FSTL4: variants seen among roughly 807,000 people sequenced by gnomAD.
FSTL4 encodes follistatin like 4.
In FSTL4, 28 loss-of-function variants were observed where a neutral mutation model predicts 78.2. That is an observed-to-expected ratio of 0.36 (90% CI 0.27 to 0.49). FSTL4 has a LOEUF of 0.49. FSTL4 is among the 20% of genes least tolerant of loss of function. FSTL4 has a pLI of 0.98. For synonymous variants in FSTL4, 422 were observed against 440.5 expected (o/e 0.96, Z 0.53); for missense variants, 922 against 1,084.9 (o/e 0.85, Z 2.11).
intron 3 of FSTL4, among the ~76,000 whole-genome samples, chr5:133,557,492 A>C (rs986420124): frequency 6.6e-6 from 1 of 152,228 alleles, no homozygotes; most frequent in Non-Finnish European, 1.5e-5. Context: ...TCACTTCATG[A>C]TATCCTGACC....
chr5:133,786,758 TAAC>T, the FSTL4 span, among the ~76,000 whole-genome samples: 2 of 152,090 alleles, frequency 1.3e-5, no homozygotes, highest in Non-Finnish European at 2.9e-5. Flanking sequence ...GTGGCAAAGA[TAAC>T]AACAACAACA....
chr5:133,396,945 G>C (rs149119448), intron 4 of FSTL4, among the ~76,000 whole-genome samples: 1 of 152,134 alleles, frequency 6.6e-6, no homozygotes, highest in Non-Finnish European at 1.5e-5. Context: ...ACCTGCAACC[G>C]CCCGCAGGCT....
At chr5:133,507,563 G>T (rs1332447358) in intron 3 of FSTL4, among the ~76,000 whole-genome samples, 4 of 145,008 alleles carry the variant, frequency 2.8e-5, no homozygotes, top group East Asian at 2.0e-4. Flanking sequence ...TCGCTCTGTC[G>T]CCAGGCTGGA....
At chr5:133,606,521 C>G (rs990150460) in intron 1 of FSTL4, among the ~76,000 whole-genome samples, 27 of 152,226 alleles carry the variant, frequency 1.8e-4, no homozygotes, top group Admixed American at 1.6e-3. Flanking sequence ...CTGCAGAAAA[C>G]AGCGAGTGGA....
intron 3 of FSTL4, among the ~76,000 whole-genome samples, chr5:133,449,419 A>C (rs1435882294): frequency 6.6e-5 from 10 of 152,200 alleles, no homozygotes; most frequent in Admixed American, 2.6e-4. Flanking sequence ...TGTCAGCTGA[A>C]AGCTAGCAAG....
intron 6 of FSTL4, among the ~76,000 whole-genome samples, chr5:133,303,411 C>G (rs1005516348): frequency 6.6e-6 from 1 of 152,228 alleles, no homozygotes; most frequent in Admixed American, 6.5e-5. Context: ...AGTAGTAGCT[C>G]AGGTGTCCAA....
chr5:133,475,069 G>C (rs548622801), intron 3 of FSTL4, among the ~76,000 whole-genome samples: 1 of 152,232 alleles, frequency 6.6e-6, no homozygotes, highest in South Asian at 2.1e-4. Flanking sequence ...CTCGTGTGCA[G>C]CCCAGGCTGG....
At chr5:133,345,588 T>C (rs2126921720) in intron 4 of FSTL4, among the ~76,000 whole-genome samples, 1 of 152,320 alleles carries the variant, frequency 6.6e-6, no homozygotes, top group Admixed American at 6.5e-5. Context: ...CCATCTTGAA[T>C]TAATTTTTGT....
the FSTL4 span, among the ~76,000 whole-genome samples, chr5:133,645,522 A>G: frequency 1.3e-5 from 2 of 152,146 alleles, no homozygotes; most frequent in Admixed American, 1.3e-4. Flanking sequence ...AGAACTGACT[A>G]GGTGCCTGGC....
intron 8 of FSTL4, among the ~76,000 whole-genome samples, chr5:133,226,926 G>A (rs984745997): frequency 2.0e-5 from 3 of 152,174 alleles, no homozygotes; most frequent in Non-Finnish European, 2.9e-5. Flanking sequence ...TGTGGGGTGG[G>A]CAGAGGATAA....
intron 8 of FSTL4, among the ~76,000 whole-genome samples, chr5:133,227,319 C>G (rs561375748): frequency 6.6e-6 from 1 of 152,174 alleles, no homozygotes; most frequent in Non-Finnish European, 1.5e-5. Flanking sequence ...GGAGCTCCAG[C>G]GGAGGCATGT....
Position 133,252,593 on chromosome 5 carries a change from A to G in FSTL4, c.728-3017T>C, listed in dbSNP as rs10037057. On this transcript the variant is annotated intron_variant, in intron 6 of 15. Transcript: ENST00000265342. ...GATGAGAAGGGCTCTGGGTACATAG[A>G]GAGGGGGAATGCAGGTGGGAGACAG... 7.6e-3 allele frequency among the ~76,000 whole-genome samples: 1,136 copies of G among 149,628 alleles called. 16 individuals carry two copies. The highest frequency in any genetic ancestry group is 0.026 in the African/African-American group (1,049 of 40,188).
At chr5:133,717,689 T>A in the FSTL4 span, among the ~76,000 whole-genome samples, 1 of 152,252 alleles carries the variant, frequency 6.6e-6, no homozygotes, top group Non-Finnish European at 1.5e-5. Flanking sequence ...TATTCTTTTA[T>A]GTCTAGCTTC....
chr5:133,686,998 C>T, the FSTL4 span, among the ~76,000 whole-genome samples: 1 of 152,120 alleles, frequency 6.6e-6, no homozygotes, highest in East Asian at 1.9e-4. Context: ...GTGAAGGAGG[C>T]GGGAAGGGCA....
At chr5:133,203,928 T>C (rs1750409500) in intron 14 of FSTL4, among the ~76,000 whole-genome samples, 1 of 152,002 alleles carries the variant, frequency 6.6e-6, no homozygotes, top group African/African-American at 2.4e-5. Flanking sequence ...CCTCCTCGGC[T>C]TTTTCTTGTG....
At chr5:133,508,084 T>A (rs1758648906) in intron 3 of FSTL4, among the ~76,000 whole-genome samples, 1 of 152,160 alleles carries the variant, frequency 6.6e-6, no homozygotes, top group Non-Finnish European at 1.5e-5. Context: ...CCTGGTTGCA[T>A]GAGTGTGGGC....
the FSTL4 span, among the ~76,000 whole-genome samples, chr5:133,791,795 A>G: frequency 1.8e-4 from 28 of 152,320 alleles, no homozygotes; most frequent in African/African-American, 6.7e-4. Context: ...GAGGTTTTGC[A>G]TCGATGTGGG....
intron 4 of FSTL4, among the ~76,000 whole-genome samples, chr5:133,327,393 G>C (rs1044003820): frequency 1.3e-5 from 2 of 152,188 alleles, no homozygotes; most frequent in Admixed American, 1.3e-4. Flanking sequence ...AGCACGCTTT[G>C]GGAAACACAG....
At chr5:133,732,262 G>A in the FSTL4 span, among the ~76,000 whole-genome samples, 1 of 152,158 alleles carries the variant, frequency 6.6e-6, no homozygotes, top group Non-Finnish European at 1.5e-5. Flanking sequence ...ACCAACCTGG[G>A]CCTGTGTACT....
Sources: allele counts gnomAD v4.1 joint callset (sites outside exome capture counted in the v4.1 genomes callset), GRCh38; gene constraint gnomAD v4.1.1; transcripts MANE v1.5; gene names NCBI Gene and HGNC (gene_info 2026-07-23, HGNC 2026-07-21).